MOB3B: variants seen among roughly 807,000 people sequenced by gnomAD.
The protein encoded by MOB3B is MOB kinase activator-like 2B.
In MOB3B, 7 loss-of-function variants were observed where a neutral mutation model predicts 18.7. The observed-to-expected ratio is 0.37, with a 90% CI of 0.21 to 0.70. The LOEUF (loss-of-function observed/expected upper bound fraction) is 0.70, where lower values mean the gene tolerates loss of function less well. Among genes scored for constraint, MOB3B ranks in the 30% least tolerant of loss-of-function variants. The pLI, the probability that MOB3B is intolerant of heterozygous loss-of-function variation, is 0.52. For missense variants in MOB3B, 253 were observed against 281.3 expected, an observed-to-expected ratio of 0.90 and a Z score of 0.72; for synonymous variants, 111 against 99.9, an observed-to-expected ratio of 1.11 and a Z score of -0.66.
At position 27,378,086 on chromosome 9, in the gene MOB3B, T is replaced by C. The variant is rs114041010; in HGVS notation, c.419-18850A>G. ...CAATCTATGAGGTATGGGCTACTTA[T>C]GTCTCAATTTTTACAGATGAAGGAA... On this transcript the variant is annotated intron_variant, in intron 2 of 3. Transcript: ENST00000262244. Among the ~76,000 whole-genome samples the C allele has an allele frequency of 5.0e-3, 761 of 152,360 alleles. 3 individuals are homozygous for C. Among genetic ancestry groups the C allele is most frequent in the African/African-American group, 0.017 (719 of 41,584 alleles).
At chr9:27,495,082 A>C (rs554552389) in intron 1 of MOB3B, among the ~76,000 whole-genome samples, 66 of 152,228 alleles carry the variant, frequency 4.3e-4, no homozygotes, top group Middle Eastern at 6.8e-3. Flanking sequence ...TAATTCCAGC[A>C]CTTTAGGAGG....
chr9:27,328,888 C>A lies in MOB3B; in HGVS notation c.*1699G>T, dbSNP rs3739532. 75,059 of 152,380 alleles carry A rather than the reference C, an allele frequency of 0.49. 18,635 individuals are homozygous for A. Among genetic ancestry groups the A allele is most frequent in the East Asian group, 0.73 (3,751 of 5,162 alleles). 9.4% of individuals were successfully genotyped at this position (152,380 alleles called of 1,614,324 possible). A position where few individuals can be genotyped will look rare whatever the true frequency, so the allele number is the denominator to read the frequency against. ...TCTCAAAGTTACTTAGGAAGGGGGA[C>A]AAAAGTATGTTTATTGTTGACCAGG... is the stretch of plus-strand genomic sequence containing the variant. On this transcript the variant is annotated 3_prime_UTR_variant, in exon 4 of 4. Coordinates refer to ENST00000262244, the MANE Select transcript of MOB3B (RefSeq NM_024761.5).
intron 2 of MOB3B, among the ~76,000 whole-genome samples, chr9:27,445,189 T>A (rs1354887762): frequency 6.6e-6 from 1 of 152,212 alleles, no homozygotes; most frequent in Admixed American, 6.5e-5. Context: ...TGCTAAAATT[T>A]TTTCAGCATT....
chr9:27,450,718 C>T (rs1165324399), intron 2 of MOB3B, among the ~76,000 whole-genome samples: 1 of 152,154 alleles, frequency 6.6e-6, no homozygotes, highest in African/African-American at 2.4e-5. Flanking sequence ...TCTGGCCAGA[C>T]ACTCATGAGC....
intron 2 of MOB3B, among the ~76,000 whole-genome samples, chr9:27,377,086 T>C (rs775575801): frequency 1.3e-5 from 2 of 152,242 alleles, no homozygotes; most frequent in Non-Finnish European, 2.9e-5. Context: ...ATCTACCTTG[T>C]TGGGCTGTTG....
In MOB3B at chr9:27,514,256, C is replaced by G. The variant is rs185092988; in HGVS notation, c.-199+15299G>C. ...ATAATATTTGGAGGCATAAGGCTAT[C>G]CTGGTTTTTAATTTTAAGACATCCA... On this transcript the variant is annotated intron_variant, in intron 1 of 3. Transcript: ENST00000262244. Among the ~76,000 whole-genome samples the G allele has an allele frequency of 4.7e-3, 697 of 147,168 alleles. 2 individuals are homozygous for G. Among genetic ancestry groups the G allele is most frequent in the Non-Finnish European group, 7.1e-3 (480 of 67,292 alleles).
chr9:27,437,145 G>A (rs900532780), intron 2 of MOB3B, among the ~76,000 whole-genome samples: 3 of 152,164 alleles, frequency 2.0e-5, no homozygotes, highest in African/African-American at 7.2e-5. Flanking sequence ...GTAGGCCAAG[G>A]TAAGGATTTA....
chr9:27,378,651 C>T lies in MOB3B; in HGVS notation c.419-19415G>A, dbSNP rs563485686. On this transcript the variant is annotated intron_variant, in intron 2 of 3. Coordinates refer to ENST00000262244, the MANE Select transcript of MOB3B (RefSeq NM_024761.5). ...GGTCCATTCTCCCAGCCCTTGCCAG[C>T]CCTGATGACTCCCTGACCCAGAACC... 276 of 471,102 alleles carry T rather than the reference C, an allele frequency of 5.9e-4. 2 individuals carry two copies. Among genetic ancestry groups the T allele is most frequent in the Middle Eastern group, 5.5e-3 (17 of 3,078 alleles). 29.2% of individuals were successfully genotyped at this position (471,102 alleles called of 1,614,324 possible).
chr9:27,417,491 T>C (rs1822170549), intron 2 of MOB3B, among the ~76,000 whole-genome samples: 1 of 152,218 alleles, frequency 6.6e-6, no homozygotes, highest in Non-Finnish European at 1.5e-5. Flanking sequence ...AAAGTTTCCT[T>C]TGAGTGATCT....
At chr9:27,398,395 C>T (rs1349361117) in intron 2 of MOB3B, among the ~76,000 whole-genome samples, 1 of 151,354 alleles carries the variant, frequency 6.6e-6, no homozygotes, top group Non-Finnish European at 1.5e-5. Context: ...CTAGAGTCTT[C>T]ATGGTTTTCT....
At chr9:27,514,396 A>T (rs541435273) in intron 1 of MOB3B, among the ~76,000 whole-genome samples, 14 of 149,660 alleles carry the variant, frequency 9.4e-5, no homozygotes, top group Admixed American at 9.3e-4. Flanking sequence ...TTAGATTCCT[A>T]TATCTGGAAC....
intron 1 of MOB3B, among the ~76,000 whole-genome samples, chr9:27,496,060 A>C (rs1328915859): frequency 6.6e-6 from 1 of 152,220 alleles, no homozygotes; most frequent in Admixed American, 6.5e-5. Context: ...CTCTATGCTA[A>C]TCACTTTAAA....
At chr9:27,481,789 T>A (rs1455708958) in intron 1 of MOB3B, among the ~76,000 whole-genome samples, 1 of 152,098 alleles carries the variant, frequency 6.6e-6, no homozygotes, top group Non-Finnish European at 1.5e-5. Context: ...CCTCCCAAAG[T>A]GCAAGGATTA....
At chr9:27,350,736 A>C (rs763587920) in intron 3 of MOB3B, among the ~76,000 whole-genome samples, 1 of 152,058 alleles carries the variant, frequency 6.6e-6, no homozygotes, top group Admixed American at 6.6e-5. Flanking sequence ...AGGCCCTCCC[A>C]CTAATCTCTG....
In MOB3B at chr9:27,390,754, T is replaced by C. The variant is rs79259626; in HGVS notation, c.419-31518A>G. ...ACTGAATGTTTGAGTCCCCCCAAAATTTGTATGTTGAAATCCTAACCCCCA... is the reference window on the plus strand; with the variant it reads ...ACTGAATGTTTGAGTCCCCCCAAAACTTGTATGTTGAAATCCTAACCCCCA... On this transcript the variant is annotated intron_variant, in intron 2 of 3. Coordinates refer to ENST00000262244, the MANE Select transcript of MOB3B (RefSeq NM_024761.5). Among the ~76,000 whole-genome samples, 1,431 of 152,188 alleles carry C rather than the reference T, an allele frequency of 9.4e-3. 20 individuals carry two copies. The highest frequency in any genetic ancestry group is 0.033 in the African/African-American group (1,387 of 41,522).
intron 2 of MOB3B, among the ~76,000 whole-genome samples, chr9:27,450,148 G>A (rs1020830445): frequency 5.9e-5 from 9 of 152,024 alleles, no homozygotes; most frequent in African/African-American, 1.4e-4. Flanking sequence ...TAGTCTCATC[G>A]GAAAGGTTAC....
chr9:27,347,548 C>T (rs1399212885), intron 3 of MOB3B, among the ~76,000 whole-genome samples: 7 of 152,164 alleles, frequency 4.6e-5, no homozygotes, highest in African/African-American at 1.2e-4. Context: ...GGGTGGTGAT[C>T]GCTGCCAGCA....
In MOB3B at chr9:27,481,503, TTTTTTTTG is replaced by T. The variant is rs1225323295; in HGVS notation, c.-198-25763_-198-25756del. On this transcript the variant is annotated intron_variant, in intron 1 of 3. Transcript: ENST00000262244. The stretch of plus-strand genomic sequence containing the variant: ...TACCTGTCTAAGGAAGGTAGTTTTT[TTTTTTTTG>T]TTTTTTTTGTTTTTTTTTTTTTTTG... Among the ~76,000 whole-genome samples, 166 of 50,564 alleles carry T rather than the reference TTTTTTTTG, an allele frequency of 3.3e-3. 1 individual carries two copies. Among genetic ancestry groups the T allele is most frequent in the Middle Eastern group, 8.8e-3 (1 of 114 alleles). The allele number at this position is 50,564 out of a possible 152,430, so 33.2% of individuals were successfully genotyped here.
chr9:27,503,361 G>A (rs1867495), intron 1 of MOB3B, among the ~76,000 whole-genome samples: 134,894 of 152,250 alleles, frequency 0.89, 60,804 homozygotes, highest in East Asian at 0.99. Context: ...GCCCGAAAAG[G>A]GCAAGATAAG....
Sources: allele counts gnomAD v4.1 joint callset (sites outside exome capture counted in the v4.1 genomes callset), GRCh38; gene constraint gnomAD v4.1.1; transcripts MANE v1.5; gene names NCBI Gene and HGNC (gene_info 2026-07-23, HGNC 2026-07-21).